Variants in PARD3 observed in about 807,000 individuals in gnomAD.
PARD3 encodes the protein par-3 family cell polarity regulator.
In PARD3, 75 loss-of-function variants were observed where a neutral mutation model predicts 155.4. The ratio of observed to expected loss-of-function variants is 0.48; its 90% CI spans 0.40 to 0.58. The LOEUF (loss-of-function observed/expected upper bound fraction) is 0.58, where lower values mean the gene tolerates loss of function less well. Ranked by LOEUF, PARD3 falls within the 20% of genes least tolerant of loss-of-function variation. The pLI, the probability that PARD3 is intolerant of heterozygous loss-of-function variation, is 0.00. For missense variants in PARD3, 1,642 were observed against 1,721.7 expected (o/e 0.95, Z 0.82); for synonymous variants, 576 against 610.5 (o/e 0.94, Z 0.83).
intron 1 of PARD3, among the ~76,000 whole-genome samples, chr10:34,715,348 G>A (rs1031729954): frequency 1.3e-5 from 2 of 152,156 alleles, no homozygotes; most frequent in African/African-American, 4.8e-5. Flanking sequence ...AAAGTGCTGA[G>A]GACTGCACCC....
intron 22 of PARD3, among the ~76,000 whole-genome samples, chr10:34,194,410 T>C (rs1293817584): frequency 3.3e-5 from 5 of 152,058 alleles, no homozygotes; most frequent in Admixed American, 2.6e-4. Flanking sequence ...GCCGCTCTTG[T>C]ACGTCCCTGT....
chr10:34,476,809 C>T (rs1006028200), intron 3 of PARD3, among the ~76,000 whole-genome samples: 4 of 152,306 alleles, frequency 2.6e-5, no homozygotes, highest in African/African-American at 4.8e-5. Context: ...GGTCAAAGTA[C>T]GACAAGCAAC....
At chr10:34,662,571 C>A (rs1020646298) in intron 2 of PARD3, among the ~76,000 whole-genome samples, 2 of 152,066 alleles carry the variant, frequency 1.3e-5, no homozygotes, top group Non-Finnish European at 2.9e-5. Flanking sequence ...TACTATTCAG[C>A]CATAAAAAAG....
chr10:34,649,821 A>G (rs1264102262), intron 2 of PARD3, among the ~76,000 whole-genome samples: 3 of 152,252 alleles, frequency 2.0e-5, no homozygotes, highest in African/African-American at 4.8e-5. Context: ...ACACACACAC[A>G]TTGGACAACT....
chr10:34,337,155 A>C lies in PARD3; in HGVS notation c.2560+120T>G, dbSNP rs1178503951. The stretch of plus-strand genomic sequence containing the variant: ...AAAAACTAATTTTTGCCAAATTGCC[A>C]CATTTCACATTTATTTTCTCTATTG... On this transcript the variant is annotated intron_variant, in intron 17 of 24. Coordinates refer to ENST00000374788, the MANE Select transcript of PARD3 (RefSeq NM_001184785.2). 1.6e-5 allele frequency: 10 copies of C among 614,422 alleles called. 1 individual carries two copies. Among genetic ancestry groups the C allele is most frequent in the Non-Finnish European group, 2.3e-5 (9 of 396,002 alleles). The allele number at this position is 614,422 out of a possible 1,614,324, so 38.1% of individuals were successfully genotyped here. A position where few individuals can be genotyped will look rare whatever the true frequency, so the allele number is the denominator to read the frequency against.
At chr10:34,795,987 T>C (rs553186345) in intron 1 of PARD3, among the ~76,000 whole-genome samples, 1 of 152,284 alleles carries the variant, frequency 6.6e-6, no homozygotes, top group South Asian at 2.1e-4. Flanking sequence ...CATAGAGACA[T>C]TGCTTTCATG....
At chr10:34,710,473 A>G (rs998135941) in intron 1 of PARD3, among the ~76,000 whole-genome samples, 1 of 151,820 alleles carries the variant, frequency 6.6e-6, no homozygotes, top group African/African-American at 2.4e-5. Flanking sequence ...TGTCCAATTC[A>G]CTTCTAGACC....
Position 34,551,646 on chromosome 10 carries a change from G to A in PARD3, c.223-34487C>T, listed in dbSNP as rs540953939. Among the ~76,000 whole-genome samples the A allele has an allele frequency of 4.6e-5, 7 of 152,304 alleles. No individual in the cohort carries two copies. The South Asian group carries it at 8.3e-4, about 18-fold the overall frequency. ...CAGGCAGGGGCAATAACGGGGTGTC[G>A]GCAGAGGCAGAAGGTTTCCCCAGCA... On this transcript the variant is annotated intron_variant, in intron 2 of 24. Transcript: ENST00000374788.
At chr10:34,477,141 T>C (rs938311138) in intron 3 of PARD3, among the ~76,000 whole-genome samples, 1 of 152,344 alleles carries the variant, frequency 6.6e-6, no homozygotes, top group South Asian at 2.1e-4. Context: ...CTGATGTAAT[T>C]TGTGTTCATT....
chr10:34,617,262 AT>A (rs1432398346), intron 2 of PARD3, among the ~76,000 whole-genome samples: 2 of 151,662 alleles, frequency 1.3e-5, no homozygotes, highest in African/African-American at 2.4e-5. Flanking sequence ...GTCTCAAAAA[AT>A]AAATAAATAA....
chr10:34,351,423 A>G (rs114743229), intron 14 of PARD3, among the ~76,000 whole-genome samples: 8 of 152,344 alleles, frequency 5.3e-5, no homozygotes, highest in African/African-American at 1.9e-4. Flanking sequence ...CATGATGTTG[A>G]TATTAAAAGA....
chr10:34,466,419 C>T (rs1029359799), intron 4 of PARD3, among the ~76,000 whole-genome samples: 2 of 152,126 alleles, frequency 1.3e-5, no homozygotes, highest in African/African-American at 4.8e-5. Flanking sequence ...GGTGCTCTAA[C>T]ATATCAGAAT....
At chr10:34,116,416 G>A (rs1236401679) in intron 24 of PARD3, among the ~76,000 whole-genome samples, 1 of 152,178 alleles carries the variant, frequency 6.6e-6, no homozygotes, top group African/African-American at 2.4e-5. Context: ...GAAAAGCAGA[G>A]GTCAAGTGTC....
At chr10:34,472,294 CTTA>C (rs1467459402) in intron 3 of PARD3, among the ~76,000 whole-genome samples, 2 of 152,086 alleles carry the variant, frequency 1.3e-5, no homozygotes, top group Non-Finnish European at 2.9e-5. Flanking sequence ...ACCTTTGCTG[CTTA>C]TTAATTTACA....
chr10:34,261,760 G>GA (rs1564528050), intron 22 of PARD3, among the ~76,000 whole-genome samples: 3,215 of 68,984 alleles, frequency 0.047, 231 homozygotes, highest in African/African-American at 0.14. Context: ...AAGGAAGAAA[G>GA]GAAGGAAGGA....
chr10:34,341,183 GA>G (rs58274978), intron 16 of PARD3, among the ~76,000 whole-genome samples: 98,469 of 117,288 alleles, frequency 0.84, 40,580 homozygotes, highest in Admixed American at 0.9. Context: ...ATAGCACTCT[GA>G]AAAAAAAAAA....
intron 14 of PARD3, among the ~76,000 whole-genome samples, chr10:34,351,069 T>C (rs1005176388): frequency 6.6e-6 from 1 of 152,208 alleles, no homozygotes; most frequent in African/African-American, 2.4e-5. Flanking sequence ...TAATAAAATC[T>C]CCGTTTGTTG....
chr10:34,575,715 G>A (rs1462748778), intron 2 of PARD3, among the ~76,000 whole-genome samples: 2 of 152,110 alleles, frequency 1.3e-5, no homozygotes, highest in Admixed American at 6.5e-5. Flanking sequence ...GGCCAACATC[G>A]TGAAACCCCA....
At chr10:34,546,227 C>T (rs911814714) in intron 2 of PARD3, among the ~76,000 whole-genome samples, 12 of 151,794 alleles carry the variant, frequency 7.9e-5, no homozygotes, top group Middle Eastern at 3.2e-3. Flanking sequence ...TAAAATGTGG[C>T]AAATTTTAGG....
Sources: gnomAD v4.1 joint callset for allele counts (sites outside exome capture counted in the v4.1 genomes callset) on GRCh38, gnomAD v4.1.1 for gene constraint, MANE v1.5 for transcripts, NCBI Gene and HGNC (gene_info 2026-07-23, HGNC 2026-07-21) for gene names.